Variants in WNT2B observed in about 807,000 individuals in gnomAD.
WNT2B encodes protein Wnt-2b.
Under a neutral mutation model 40.5 loss-of-function variants are expected in WNT2B, and 19 were observed. The ratio of observed to expected loss-of-function variants is 0.47; its 90% CI spans 0.33 to 0.69. WNT2B has a LOEUF of 0.69. Among genes scored for constraint, WNT2B ranks in the 30% least tolerant of loss-of-function variants. The pLI is 0.02. For missense variants in WNT2B, 467 were observed against 556.4 expected, an observed-to-expected ratio of 0.84 and a Z score of 1.62; for synonymous variants, 220 against 211.9, an observed-to-expected ratio of 1.04 and a Z score of -0.33.
In WNT2B at chr1:112,509,192, A is replaced by T; in HGVS notation, c.-71A>T. 7.0e-7 allele frequency: 1 copy of T among 1,422,104 alleles called. No homozygotes were observed. The highest frequency in any genetic ancestry group is 9.1e-7 in the Non-Finnish European group (1 of 1,099,362). 88.1% of individuals were successfully genotyped at this position (1,422,104 alleles called of 1,614,324 possible). A position where few individuals can be genotyped will look rare whatever the true frequency, so the allele number is the denominator to read the frequency against. Reference sequence around the variant, plus strand: ...CCCCCCAGGGGGGTGAGGTAGGAGCAGCCTGAGTACCCCCAGAAGGTGCCC... The same window carrying T: ...CCCCCCAGGGGGGTGAGGTAGGAGCTGCCTGAGTACCCCCAGAAGGTGCCC... On this transcript the variant is annotated 5_prime_UTR_variant, in exon 1 of 5. Transcript: ENST00000369684. This position sits in a 1 kb window ranked among gnomAD's most constrained non-coding sequence, Gnocchi z 4.2.
chr1:112,492,676 T>C (rs1195044252), intron 1 of WNT2B, among the ~76,000 whole-genome samples: 6 of 152,210 alleles, frequency 3.9e-5, no homozygotes, highest in East Asian at 1.9e-4. Context: ...CCTAAGCTTT[T>C]ATTATTACTT....
intron 1 of WNT2B, among the ~76,000 whole-genome samples, chr1:112,496,879 G>A (rs1338048346): frequency 6.6e-6 from 1 of 152,200 alleles, no homozygotes; most frequent in African/African-American, 2.4e-5. Context: ...GATTACAGGC[G>A]TGAGCCACTG....
chr1:112,484,276 T>TGTATATACAC (rs1651339413), intron 1 of WNT2B, among the ~76,000 whole-genome samples: 1 of 137,564 alleles, frequency 7.3e-6, no homozygotes, highest in Non-Finnish European at 1.5e-5. Flanking sequence ...TATACACATA[T>TGTATATACAC]ATATATATAT....
chr1:112,516,485 C>A, intron 3 of WNT2B, 68 bp downstream of exon 3: 1 of 1,541,256 alleles, frequency 6.5e-7, no homozygotes, highest in Non-Finnish European at 8.8e-7. Flanking sequence ...TGACCATGGA[C>A]TAAATAAATG....
At position 112,520,468 on chromosome 1, in the gene WNT2B, T is replaced by G; in HGVS notation, c.1135T>G (p.Cys379Gly). ...CAGAAATACTGTGGACGTCCATACT[T>G]GCAAAGCCCCCAAGAAGGCAGAGTG... ...ECRNTVDVHT[C>G]KAPKKAEWLD... The change falls in exon 5 of 5, where the codon TGC becomes GGC. Residue 379 changes from cysteine (C) to glycine (G), a missense_variant. Physicochemically the swap from Cys to Gly is radical, Grantham distance 159. Transcript: ENST00000369684. 6.2e-7 allele frequency: 1 copy of G among 1,614,162 alleles called. No homozygotes were observed. Among genetic ancestry groups the G allele is most frequent in the Non-Finnish European group, 8.5e-7 (1 of 1,180,032 alleles).
intron 1 of WNT2B, among the ~76,000 whole-genome samples, chr1:112,483,215 CACACACAT>C (rs1415380919): frequency 1.2e-4 from 8 of 64,160 alleles, no homozygotes; most frequent in African/African-American, 9.3e-4. Flanking sequence ...CACACACACA[CACACACAT>C]ATACACACAC....
intron 1 of WNT2B, among the ~76,000 whole-genome samples, chr1:112,490,795 C>T (rs894042307): frequency 6.6e-6 from 1 of 152,046 alleles, no homozygotes; most frequent in African/African-American, 2.4e-5. Context: ...GGCCAAAGAA[C>T]TCATATTCTT....
chr1:112,481,534 T>C (rs1055858264), intron 1 of WNT2B, among the ~76,000 whole-genome samples: 2 of 152,176 alleles, frequency 1.3e-5, no homozygotes, highest in Admixed American at 6.6e-5. Context: ...TTCAACATAG[T>C]ACTAGAAGTC....
intron 4 of WNT2B, among the ~76,000 whole-genome samples, chr1:112,519,502 A>G (rs1448593086): frequency 1.3e-5 from 2 of 152,040 alleles, no homozygotes; most frequent in South Asian, 2.1e-4. Context: ...TATTGATTTT[A>G]TGATCTGTTG....
At chr1:112,492,518 A>G (rs1651632886) in intron 1 of WNT2B, among the ~76,000 whole-genome samples, 1 of 152,210 alleles carries the variant, frequency 6.6e-6, no homozygotes, top group South Asian at 2.1e-4. Context: ...TACCTCCTAG[A>G]GCTCACCAGG....
Position 112,525,784 on chromosome 1 carries a change from A to T in WNT2B, c.*5275A>T. On this transcript the variant is annotated 3_prime_UTR_variant, in exon 5 of 5. Coordinates refer to ENST00000369684, the MANE Select transcript of WNT2B (RefSeq NM_024494.3). The stretch of plus-strand genomic sequence containing the variant: ...TGGCCAAACAGAAAGGCTAAGCTGA[A>T]TGAAGAAAAAAGGAAGACAATTTCA... The T allele has an allele frequency of 3.9e-6, 2 of 513,210 alleles. No individual in the cohort carries two copies. Among genetic ancestry groups the T allele is most frequent in the East Asian group, 7.1e-5 (2 of 28,154 alleles). 31.8% of individuals were successfully genotyped at this position (513,210 alleles called of 1,614,324 possible).
intron 1 of WNT2B, among the ~76,000 whole-genome samples, chr1:112,474,673 G>A (rs76356632): frequency 0.029 from 4,377 of 152,196 alleles, 80 homozygotes; most frequent in African/African-American, 0.05. Context: ...GTGAAACACC[G>A]TTCAGAAAAA....
chr1:112,497,231 A>G lies in WNT2B; in HGVS notation c.-94-17643A>G, dbSNP rs557513618. 2.6e-5 allele frequency among the ~76,000 whole-genome samples: 4 copies of G among 152,038 alleles called. No individual in the cohort carries two copies. The East Asian group carries it at 7.7e-4, about 29-fold the overall frequency. ...GGGGTGGTCCTGCCCCCACAACTCC[A>G]CTAGGTATTGCCTTCGTGTGGGGAT... On this transcript the variant is annotated intron_variant, in intron 1 of 4. Transcript: ENST00000256640.
chr1:112,526,079 T>C lies in WNT2B; in HGVS notation c.*5570T>C. ...GTGTATTCTCCTCAAAGCCTGAGGATGCCCAGGGTTGGGGGCACCAGAGTC... is the reference window on the plus strand; with the variant it reads ...GTGTATTCTCCTCAAAGCCTGAGGACGCCCAGGGTTGGGGGCACCAGAGTC... On this transcript the variant is annotated 3_prime_UTR_variant, in exon 5 of 5. Coordinates refer to ENST00000369684, the MANE Select transcript of WNT2B (RefSeq NM_024494.3). The C allele has an allele frequency of 6.2e-7, 1 of 1,614,176 alleles. No individual in the cohort carries two copies. Among genetic ancestry groups the C allele is most frequent in the Non-Finnish European group, 8.5e-7 (1 of 1,180,030 alleles).
In WNT2B at chr1:112,481,992, A is replaced by G. The variant is rs114036493; in HGVS notation, c.-95+14401A>G. On this transcript the variant is annotated intron_variant, in intron 1 of 4. Transcript: ENST00000256640. ...TGAAACCCCATCTCTACTAAATACAAAAGATTAACCTGGTACAGTGGTGCA... is the reference window on the plus strand; with the variant it reads ...TGAAACCCCATCTCTACTAAATACAGAAGATTAACCTGGTACAGTGGTGCA... 7.8e-3 allele frequency among the ~76,000 whole-genome samples: 1,191 copies of G among 152,102 alleles called. 7 individuals carry two copies. The highest frequency in any genetic ancestry group is 0.012 in the Non-Finnish European group (786 of 67,976).
chr1:112,513,149 C>T (rs1182027918), intron 1 of WNT2B, among the ~76,000 whole-genome samples: 1 of 151,186 alleles, frequency 6.6e-6, no homozygotes, highest in East Asian at 1.9e-4. Context: ...ACACCCATTG[C>T]CTAGAGCAGT....
intron 1 of WNT2B, among the ~76,000 whole-genome samples, chr1:112,472,004 G>T (rs1297507746): frequency 6.6e-6 from 1 of 152,134 alleles, no homozygotes; most frequent in African/African-American, 2.4e-5. Flanking sequence ...TTATTTTCAA[G>T]AATTCTACTT....
At chr1:112,495,764 C>T (rs1057434203) in intron 1 of WNT2B, among the ~76,000 whole-genome samples, 4 of 152,046 alleles carry the variant, frequency 2.6e-5, no homozygotes, top group Non-Finnish European at 4.4e-5. Flanking sequence ...GTTTTGCTGC[C>T]GTAATAAAAT....
At position 112,520,262 on chromosome 1, in the gene WNT2B, C is replaced by T. The variant is rs757857254; in HGVS notation, c.947-18C>T. 5 of 1,609,136 alleles carry T rather than the reference C, an allele frequency of 3.1e-6. No homozygotes were observed. Among genetic ancestry groups the T allele is most frequent in the African/African-American group, 2.7e-5 (2 of 74,880 alleles). On this transcript the variant is annotated intron_variant, in intron 4 of 4. Transcript: ENST00000369684. ...GAAGAGATAACTTTGTTCTCACTCC[C>T]TCTCTTCCCCAACCCAGGTTCCCTA...
Sources: gnomAD v4.1 joint callset for allele counts (sites outside exome capture counted in the v4.1 genomes callset) on GRCh38, gnomAD v4.1.1 for gene constraint, Gnocchi (gnomAD v3.1) non-coding constraint, MANE v1.5 for transcripts, NCBI Gene and HGNC (gene_info 2026-07-23, HGNC 2026-07-21) for gene names.